Variants in ARL6IP6 observed in about 807,000 individuals in gnomAD.
The protein encoded by ARL6IP6 is ADP-ribosylation factor-like protein 6-interacting protein 6.
ARL6IP6 carries 22 observed loss-of-function variants against 21.5 expected under a neutral mutation model. The observed-to-expected ratio is 1.02, with a 90% CI of 0.73 to 1.46. The LOEUF is 1.46. Ranked by LOEUF, ARL6IP6 falls within the 40% of genes most tolerant of loss-of-function variation. The pLI, the probability that ARL6IP6 is intolerant of heterozygous loss-of-function variation, is 0.00. For synonymous variants in ARL6IP6, 164 were observed against 125.3 expected, an observed-to-expected ratio of 1.31 and a Z score of -2.06; for missense variants, 388 against 299.8, an observed-to-expected ratio of 1.29 and a Z score of -2.17.
At chr2:152,750,486 A>G (rs1179728182) in intron 3 of ARL6IP6, among the ~76,000 whole-genome samples, 2 of 151,554 alleles carry the variant, frequency 1.3e-5, no homozygotes, top group African/African-American at 4.9e-5. Context: ...AAAAAAAAAA[A>G]AAAGAGAGAG....
At chr2:152,747,041 G>A (rs1274576830) in intron 3 of ARL6IP6, among the ~76,000 whole-genome samples, 2 of 151,752 alleles carry the variant, frequency 1.3e-5, no homozygotes, top group African/African-American at 4.8e-5. Context: ...AGTTGCCCAG[G>A]ACAGTCTTGA....
At chr2:152,727,424 G>T (rs1412261981) in intron 2 of ARL6IP6, among the ~76,000 whole-genome samples, 1 of 152,158 alleles carries the variant, frequency 6.6e-6, no homozygotes, top group Non-Finnish European at 1.5e-5. Context: ...TTAATGAAGA[G>T]AAAAATTTTT....
intron 3 of ARL6IP6, among the ~76,000 whole-genome samples, chr2:152,738,843 C>T (rs1700670182): frequency 6.6e-6 from 1 of 151,690 alleles, no homozygotes; most frequent in Non-Finnish European, 1.5e-5. Context: ...CTACAGCTGG[C>T]TTGAATTTTG....
chr2:152,760,043 G>A lies in ARL6IP6; in HGVS notation c.*203G>A. The A allele has an allele frequency of 4.3e-6, 2 of 468,384 alleles. No individual in the cohort carries two copies. Among genetic ancestry groups the A allele is most frequent in the Non-Finnish European group, 7.6e-6 (2 of 262,092 alleles). 29.0% of individuals were successfully genotyped at this position (468,384 alleles called of 1,614,324 possible). On this transcript the variant is annotated 3_prime_UTR_variant, in exon 4 of 4. Coordinates refer to ENST00000326446, the MANE Select transcript of ARL6IP6 (RefSeq NM_152522.7). ...TGAGTATTAAGATACAGATTAATTG[G>A]GAATATCTGAGTATTAAGTACTTTC...
At chr2:152,727,578 G>A (rs759320526) in intron 2 of ARL6IP6, among the ~76,000 whole-genome samples, 1 of 152,126 alleles carries the variant, frequency 6.6e-6, no homozygotes, top group African/African-American at 2.4e-5. Context: ...TCCATTCATT[G>A]TAAGTACCCT....
intron 3 of ARL6IP6, among the ~76,000 whole-genome samples, chr2:152,737,820 A>G (rs1444094236): frequency 6.6e-6 from 1 of 152,136 alleles, no homozygotes; most frequent in Non-Finnish European, 1.5e-5. Flanking sequence ...GGTGGGGCAC[A>G]GCCAAACCAT....
At chr2:152,734,864 C>T (rs10931263) in intron 2 of ARL6IP6, 130 bp from the exon 3 acceptor site, 1 of 979,972 alleles carries the variant, frequency 1.0e-6, no homozygotes, top group Non-Finnish European at 1.5e-6. Flanking sequence ...AAGTTCAAAT[C>T]TCTTAAAATA....
At chr2:152,755,922 G>A (rs932710905) in intron 3 of ARL6IP6, among the ~76,000 whole-genome samples, 2 of 151,998 alleles carry the variant, frequency 1.3e-5, no homozygotes, top group Non-Finnish European at 2.9e-5. Flanking sequence ...CAAATCCTTT[G>A]CCCTTTTAAA....
upstream of ARL6IP6, chr2:152,717,964 G>A (rs1230096819): frequency 2.0e-6 from 2 of 1,007,520 alleles, no homozygotes; most frequent in Admixed American, 5.6e-5. Context: ...GGAGGGGTTC[G>A]GAGGAGAGGG....
chr2:152,720,757 G>A (rs1054281063), intron 2 of ARL6IP6, among the ~76,000 whole-genome samples, 171 bp downstream of exon 2: 5 of 152,106 alleles, frequency 3.3e-5, no homozygotes, highest in African/African-American at 1.2e-4. Flanking sequence ...TCCTTTATAT[G>A]TGTGGAGTAT....
intron 1 of ARL6IP6, 93 bp from the exon 2 acceptor site, chr2:152,720,440 C>G (rs1397902224): frequency 7.7e-7 from 1 of 1,291,614 alleles, no homozygotes; most frequent in South Asian, 1.2e-5. Flanking sequence ...CTCCAGAGCA[C>G]TTTCCACAGC....
At chr2:152,718,198 C>T (rs1699297817), upstream of ARL6IP6, 1 of 520,954 alleles carries the variant, frequency 1.9e-6, no homozygotes, top group Non-Finnish European at 2.5e-6. Context: ...CAAATAGGTT[C>T]GGGAATGTGT....
At chr2:152,734,957 T>C (rs774120167) in intron 2 of ARL6IP6, 37 bp from the exon 3 acceptor site, 1 of 1,588,196 alleles carries the variant, frequency 6.3e-7, no homozygotes, top group Non-Finnish European at 8.6e-7. Context: ...GTTTTGGTGT[T>C]AATAATGTAC....
At chr2:152,723,688 G>A (rs369812561) in intron 2 of ARL6IP6, among the ~76,000 whole-genome samples, 3 of 152,250 alleles carry the variant, frequency 2.0e-5, no homozygotes, top group East Asian at 1.9e-4. Flanking sequence ...GATTATAGCA[G>A]CAATTCTCAT....
intron 2 of ARL6IP6, among the ~76,000 whole-genome samples, chr2:152,729,789 C>G (rs1700217299): frequency 6.6e-6 from 1 of 152,128 alleles, no homozygotes; most frequent in Admixed American, 6.6e-5. Context: ...AGATGCACAC[C>G]AGACTCTTAG....
intron 3 of ARL6IP6, among the ~76,000 whole-genome samples, chr2:152,738,985 GC>G (rs1700679425): frequency 6.6e-6 from 1 of 151,012 alleles, no homozygotes; most frequent in African/African-American, 2.4e-5. Flanking sequence ...AAAACTGAAT[GC>G]TTTTTTTTTT....
At chr2:152,723,508 T>C (rs1279450495) in intron 2 of ARL6IP6, among the ~76,000 whole-genome samples, 1 of 152,220 alleles carries the variant, frequency 6.6e-6, no homozygotes, top group African/African-American at 2.4e-5. Context: ...CCTCATTCTT[T>C]GTTTGAAAGT....
intron 2 of ARL6IP6, among the ~76,000 whole-genome samples, chr2:152,727,471 A>G (rs934919437): frequency 6.6e-6 from 1 of 152,208 alleles, no homozygotes; most frequent in African/African-American, 2.4e-5. Flanking sequence ...TGTTTATAAT[A>G]GTCTATTGTA....
upstream of ARL6IP6, chr2:152,717,749 A>C (rs1573989838): frequency 7.7e-7 from 1 of 1,297,886 alleles, no homozygotes; most frequent in South Asian, 1.6e-5. Context: ...CCGAGCTTAG[A>C]CCGCCTCACC....
Sources: gnomAD v4.1 joint callset for allele counts (sites outside exome capture counted in the v4.1 genomes callset) on GRCh38, gnomAD v4.1.1 for gene constraint, MANE v1.5 for transcripts, NCBI Gene and HGNC (gene_info 2026-07-23, HGNC 2026-07-21) for gene names.